DLGAP1: variants seen among roughly 807,000 people sequenced by gnomAD.
The protein encoded by DLGAP1 is DLG associated protein 1.
In DLGAP1, 11 loss-of-function variants were observed where a neutral mutation model predicts 90.8. The ratio of observed to expected loss-of-function variants is 0.12; its 90% confidence interval spans 0.08 to 0.20. The LOEUF is 0.20. DLGAP1 is among the 10% of genes least tolerant of loss of function. The pLI, the probability that DLGAP1 is intolerant of heterozygous loss-of-function variation, is 1.00. For missense variants in DLGAP1, 1,050 were observed against 1,333.8 expected, an observed-to-expected ratio of 0.79 and a Z score of 3.31; for synonymous variants, 558 against 540.7, an observed-to-expected ratio of 1.03 and a Z score of -0.44.
At chr18:4,327,778 C>T (rs900057718) in intron 1 of DLGAP1, among the ~76,000 whole-genome samples, 5 of 151,944 alleles carry the variant, frequency 3.3e-5, no homozygotes, top group Admixed American at 6.6e-5. Context: ...CATTGTTCTG[C>T]TTTCTGTCAC....
chr18:4,444,441 C>T (rs949582977), intron 1 of DLGAP1, among the ~76,000 whole-genome samples: 1 of 152,120 alleles, frequency 6.6e-6, no homozygotes, highest in Admixed American at 6.6e-5. Flanking sequence ...CAGGACTGGG[C>T]TGAGGGACTA....
chr18:3,637,744 C>T (rs1439068014), intron 7 of DLGAP1, among the ~76,000 whole-genome samples: 6 of 151,538 alleles, frequency 4.0e-5, no homozygotes, highest in Non-Finnish European at 5.9e-5. Context: ...GAGATACTGT[C>T]TCAAAAATTA....
intron 1 of DLGAP1, among the ~76,000 whole-genome samples, chr18:4,181,242 C>T (rs188109185): frequency 4.6e-5 from 7 of 152,084 alleles, no homozygotes; most frequent in African/African-American, 1.7e-4. Flanking sequence ...ATGTGATGAA[C>T]TCATTTCTTG....
At position 4,415,707 on chromosome 18, in the gene DLGAP1, G is replaced by A. The variant is rs564730534; in HGVS notation, c.-267+39299C>T. On this transcript the variant is annotated intron_variant, in intron 1 of 12. Coordinates refer to ENST00000315677, the MANE Select transcript of DLGAP1 (RefSeq NM_004746.4). ...TGGCTCTGTCACTTACTAGCTTTAT[G>A]TCTTGGGCTAAGTTTTTTTACTCTC... Among the ~76,000 whole-genome samples the A allele has an allele frequency of 3.9e-3, 596 of 152,238 alleles. 5 individuals carry two copies. Among genetic ancestry groups the A allele is most frequent in the African/African-American group, 0.014 (572 of 41,568 alleles).
At chr18:3,581,096 G>A (rs1340202340) in intron 8 of DLGAP1, among the ~76,000 whole-genome samples, 1 of 152,190 alleles carries the variant, frequency 6.6e-6, no homozygotes, top group Admixed American at 6.5e-5. Flanking sequence ...CAGCGGCTGT[G>A]CTCTTCTGGG....
intron 1 of DLGAP1, among the ~76,000 whole-genome samples, chr18:4,385,132 T>C (rs2082204372): frequency 6.6e-6 from 1 of 152,136 alleles, no homozygotes. Flanking sequence ...GACTCAGAAA[T>C]AGAACCCAGA....
intron 4 of DLGAP1, among the ~76,000 whole-genome samples, chr18:3,862,840 G>A (rs1427417984): frequency 1.3e-5 from 2 of 152,272 alleles, no homozygotes; most frequent in East Asian, 1.9e-4. Flanking sequence ...ATGCCACACT[G>A]TGAGGGCATG....
intron 1 of DLGAP1, among the ~76,000 whole-genome samples, chr18:4,256,400 TAATA>T (rs1031416670): frequency 6.6e-5 from 10 of 152,236 alleles, no homozygotes; most frequent in Admixed American, 5.2e-4. Flanking sequence ...ATCCCCTCTA[TAATA>T]AATAAATAAA....
chr18:3,752,026 A>T (rs910172547), intron 5 of DLGAP1, among the ~76,000 whole-genome samples: 1 of 149,396 alleles, frequency 6.7e-6, no homozygotes, highest in African/African-American at 2.5e-5. Context: ...TGGGATTACA[A>T]GTATGTGCCA....
chr18:4,357,084 CGT>C (rs1415739811), intron 1 of DLGAP1, among the ~76,000 whole-genome samples: 1 of 47,398 alleles, frequency 2.1e-5, no homozygotes, highest in African/African-American at 5.0e-5. Flanking sequence ...TGTGTATATA[CGT>C]GTGCGTGTGT....
intron 7 of DLGAP1, among the ~76,000 whole-genome samples, chr18:3,583,422 G>T (rs541531572): frequency 6.6e-6 from 1 of 150,830 alleles, no homozygotes; most frequent in South Asian, 2.1e-4. Flanking sequence ...CTTCCACCTT[G>T]CCTATCTCTC....
chr18:3,966,183 G>A, intron 3 of DLGAP1, among the ~76,000 whole-genome samples: 1 of 152,062 alleles, frequency 6.6e-6, no homozygotes, highest in East Asian at 1.9e-4. Flanking sequence ...GCTAGAAAGG[G>A]TGAAAGCTCA....
chr18:3,855,092 G>A (rs1017370045), intron 4 of DLGAP1, among the ~76,000 whole-genome samples: 8 of 152,090 alleles, frequency 5.3e-5, no homozygotes, highest in East Asian at 1.9e-4. Context: ...TATACACCAC[G>A]GAATACTACG....
chr18:3,694,042 CT>C (rs1315894251), intron 7 of DLGAP1, among the ~76,000 whole-genome samples: 39 of 148,818 alleles, frequency 2.6e-4, no homozygotes, highest in Non-Finnish European at 4.3e-4. Flanking sequence ...CCACCCCCCC[CT>C]CAGCCCCCAA....
intron 1 of DLGAP1, among the ~76,000 whole-genome samples, chr18:4,365,606 A>T (rs746740438): frequency 7.2e-5 from 11 of 152,194 alleles, no homozygotes; most frequent in Non-Finnish European, 8.8e-5. Flanking sequence ...CCCAATTGGC[A>T]GTGGAAAATA....
At chr18:4,204,174 A>C (rs2077669633) in intron 1 of DLGAP1, among the ~76,000 whole-genome samples, 1 of 152,208 alleles carries the variant, frequency 6.6e-6, no homozygotes. Flanking sequence ...GTCTGTACAT[A>C]ATAGTGTCAA....
chr18:4,231,919 G>A (rs776498500), intron 1 of DLGAP1, among the ~76,000 whole-genome samples: 19 of 152,204 alleles, frequency 1.2e-4, no homozygotes, highest in Non-Finnish European at 2.6e-4. Context: ...GTGGCTATTG[G>A]TCGATGTGCA....
Position 3,657,390 on chromosome 18 carries a change from A to G in DLGAP1, c.1591+71745T>C, listed in dbSNP as rs2059528670. Among the ~76,000 whole-genome samples the G allele has an allele frequency of 2.0e-5, 3 of 152,244 alleles. 1 individual carries two copies. The highest frequency in any genetic ancestry group is 6.8e-3 in the Middle Eastern group (2 of 294). On this transcript the variant is annotated intron_variant, in intron 7 of 12. Coordinates refer to ENST00000315677, the MANE Select transcript of DLGAP1 (RefSeq NM_004746.4). Reference sequence around the variant, plus strand: ...AAAGCTGCTTTTAAGTTTGTTTCCTATTGAATTTCATCTTTCCTGCATAAC... The same window carrying G: ...AAAGCTGCTTTTAAGTTTGTTTCCTGTTGAATTTCATCTTTCCTGCATAAC...
chr18:4,154,508 C>T (rs2076723943), intron 1 of DLGAP1, among the ~76,000 whole-genome samples: 1 of 151,776 alleles, frequency 6.6e-6, no homozygotes, highest in African/African-American at 2.4e-5. Flanking sequence ...TACGGTATTC[C>T]AAGAGGCTTA....
Sources: allele counts gnomAD v4.1 joint callset (sites outside exome capture counted in the v4.1 genomes callset), GRCh38; gene constraint gnomAD v4.1.1; transcripts MANE v1.5; gene names NCBI Gene and HGNC (gene_info 2026-07-23, HGNC 2026-07-21).